The following TRMT1 variants were observed in gnomAD, a reference collection of about 807,000 sequenced individuals.
TRMT1 encodes tRNA methyltransferase 1.
Under a neutral mutation model 75.4 loss-of-function variants are expected in TRMT1, and 63 were observed. That is an observed-to-expected ratio of 0.84 (90% CI 0.68 to 1.03). TRMT1 has a LOEUF of 1.03. Among genes scored for constraint, TRMT1 ranks in the 50% least tolerant of loss-of-function variants. The pLI, the probability that TRMT1 is intolerant of heterozygous loss-of-function variation, is 0.00. For missense variants in TRMT1, 870 were observed against 905.3 expected (o/e 0.96, Z 0.50); for synonymous variants, 382 against 358.1 (o/e 1.07, Z -0.75).
In TRMT1 at chr19:13,109,562, G is replaced by A. The variant is rs761813897; in HGVS notation, c.1299C>T (p.Ser433=). Residue 433 remains serine, a synonymous_variant, in exon 11 of 17, where the codon AGC becomes AGT. Coordinates refer to ENST00000357720, the MANE Select transcript of TRMT1 (RefSeq NM_001136035.4). ...HTSERIRGVL[S]VITEELPDVP... is the part of the protein sequence containing the mutation. ...GCCCGGCTCTCACCTCAGTGATGAC[G>A]CTCAGGACCCCTCGGATCCGCTCCG... 9.9e-6 allele frequency: 16 copies of A among 1,613,890 alleles called. No homozygotes were observed. The East Asian group carries it at 2.5e-4, about 25-fold the overall frequency.
rs373190081 is a variant in TRMT1 at position 13,105,264 on chromosome 19, C to T, written c.1833+3G>A. 114 of 1,612,248 alleles carry T rather than the reference C, an allele frequency of 7.1e-5. No individual in the cohort carries two copies. The African/African-American group carries it at 1.4e-3, about 19-fold the overall frequency. On this transcript the variant is annotated splice_donor_region_variant and intron_variant, in intron 16 of 16. Coordinates refer to ENST00000357720, the MANE Select transcript of TRMT1 (RefSeq NM_001136035.4). The stretch of plus-strand genomic sequence containing the variant: ...AGTGGAGGAAAGGGAGGAGGGACCT[C>T]ACCTCCTTAAACCTCTTGCAAGGAA...
At position 13,115,373 on chromosome 19, in the gene TRMT1, T is replaced by C; in HGVS notation, c.547A>G (p.Asn183Asp). Residue 183 changes from asparagine (N) to aspartate (D), a missense_variant, in exon 5 of 17, where the codon AAC (asparagine) becomes GAC (aspartate). Transcript: ENST00000357720. ...EVPGLRSVVA[N>D]DASTRAVDLI... The stretch of plus-strand genomic sequence containing the variant: ...TCCACAGCCCGGGTGGAGGCATCGT[T>C]TGCAACCACAGATCTGAGCCCAGGC... The C allele has an allele frequency of 1.9e-6, 3 of 1,614,080 alleles. No individual in the cohort carries two copies. In the South Asian group the frequency reaches 3.3e-5, roughly 18 times the overall value.
chr19:13,110,839 A>G (rs1016696266), intron 7 of TRMT1, among the ~76,000 whole-genome samples: 1 of 152,192 alleles, frequency 6.6e-6, no homozygotes, highest in African/African-American at 2.4e-5. Context: ...AATCCCAGCT[A>G]CTAGGGAGGC....
chr19:13,114,935 G>A (rs961575992), intron 5 of TRMT1, among the ~76,000 whole-genome samples: 5 of 152,198 alleles, frequency 3.3e-5, no homozygotes, highest in African/African-American at 1.2e-4. Context: ...AATTTTGCAT[G>A]TTTTGTTTCC....
At position 13,114,649 on chromosome 19, in the gene TRMT1, G is replaced by A. The variant is rs530712544; in HGVS notation, c.641+630C>T. On this transcript the variant is annotated intron_variant, in intron 5 of 16. Coordinates refer to ENST00000357720, the MANE Select transcript of TRMT1 (RefSeq NM_001136035.4). ...TGCACTCTAGCCTGGGCAACAGAGC[G>A]AGACTCCGTGTCAAAAAATAAATAA... Among the ~76,000 whole-genome samples the A allele has an allele frequency of 4.6e-5, 7 of 150,968 alleles. No individual in the cohort carries two copies. In the East Asian group the frequency reaches 1.2e-3, roughly 25 times the overall value.
rs748265622 is a variant in TRMT1 at position 13,104,975 on chromosome 19, G to C, written c.1940C>G (p.Pro647Arg). The change falls in exon 17 of 17, where the codon CCC becomes CGC. Residue 647 changes from proline (P) to arginine (R), a missense_variant. Coordinates refer to ENST00000357720, the MANE Select transcript of TRMT1 (RefSeq NM_001136035.4). ...PDCPETSNQT[P>R]PGPGAAAGPG... ...CCCAGCGGCAGCCCCAGGTCCAGGG[G>C]GGGTCTGGTTGGAGGTCTCTGGACA... 11 of 1,613,922 alleles carry C rather than the reference G, an allele frequency of 6.8e-6. 1 individual carries two copies. Among genetic ancestry groups the C allele is most frequent in the Middle Eastern group, 1.6e-4 (1 of 6,062 alleles).
In TRMT1 at chr19:13,110,021, C is replaced by T. The variant is rs1175773537; in HGVS notation, c.1020-20G>A. 4 of 1,612,486 alleles carry T rather than the reference C, an allele frequency of 2.5e-6. No homozygotes were observed. The African/African-American group carries it at 4.0e-5, about 16-fold the overall frequency. On this transcript the variant is annotated intron_variant, in intron 8 of 16. Transcript: ENST00000357720. The stretch of plus-strand genomic sequence containing the variant: ...TGCTTGCTGTGGGGGGTACCAGTGG[C>T]CACGAGTTCCCAGCGTGACCACGAC...
At position 13,105,293 on chromosome 19, in the gene TRMT1, T is replaced by C; in HGVS notation, c.1807A>G (p.Thr603Ala). ...TCCTTAAACCTCTTGCAAGGAAATG[T>C]CTTGAGCCGGGCAGCCCGCTGGGCC... ...DVAQRAARLK[T>A]FPCKRFKEGT... The change falls in exon 16 of 17, where the codon ACA (threonine) becomes GCA (alanine). Residue 603 changes from threonine to alanine, a missense_variant. Physicochemically the swap from Thr to Ala is moderately conservative, Grantham distance 58. Transcript: ENST00000357720. 6.2e-7 allele frequency: 1 copy of C among 1,613,948 alleles called. No individual in the cohort carries two copies. The highest frequency in any genetic ancestry group is 1.3e-5 in the African/African-American group (1 of 75,048).
intron 5 of TRMT1, among the ~76,000 whole-genome samples, chr19:13,114,186 C>T (rs1439979556): frequency 2.0e-5 from 3 of 152,076 alleles, no homozygotes; most frequent in African/African-American, 7.2e-5. Flanking sequence ...CTTTTTTAAC[C>T]TTTAAAAATG....
Position 13,110,158 on chromosome 19 carries a change from C to CT in TRMT1, c.1018dup (p.Ser340LysfsTer46). ...CACCGCTCTCTGCCCCCGGGCTGACCTGGCTGAGGCCTTGACCTTGGCCTG... is the reference window on the plus strand; with the variant it reads ...CACCGCTCTCTGCCCCCGGGCTGACCTTGGCTGAGGCCTTGACCTTGGCCTG... On this transcript the variant is annotated frameshift_variant and splice_region_variant, in exon 8 of 17. Transcript: ENST00000357720. LOFTEE classifies it high-confidence loss of function. The CT allele has an allele frequency of 1.2e-6, 2 of 1,612,186 alleles. No homozygotes were observed. Among genetic ancestry groups the CT allele is most frequent in the Non-Finnish European group, 1.7e-6 (2 of 1,179,922 alleles).
chr19:13,115,876 G>C, intron 3 of TRMT1, 108 bp from the exon 4 acceptor site: 1 of 1,604,722 alleles, frequency 6.2e-7, no homozygotes. Context: ...AAGGCTGAAG[G>C]AGCAGAACCC....
chr19:13,110,642 G>A (rs902535878), intron 7 of TRMT1, among the ~76,000 whole-genome samples: 2 of 152,254 alleles, frequency 1.3e-5, no homozygotes, highest in Non-Finnish European at 2.9e-5. Context: ...GGCTCTGTGG[G>A]CAGGAAGTGG....
chr19:13,108,697 C>T (rs559188830), intron 12 of TRMT1, among the ~76,000 whole-genome samples: 2 of 152,140 alleles, frequency 1.3e-5, no homozygotes, highest in African/African-American at 4.8e-5. Context: ...GCCTCCTCCT[C>T]CTCCCAGGTT....
rs762058016 is a variant in TRMT1, at chr19:13,115,957, G to C, written c.310+40C>G. Reference sequence around the variant, plus strand: ...AGAGCCCAGGCAGGGAGATAAACTTGTGTGACCCCCGCCCACCAGAAGCCT... The same window carrying C: ...AGAGCCCAGGCAGGGAGATAAACTTCTGTGACCCCCGCCCACCAGAAGCCT... On this transcript the variant is annotated intron_variant, in intron 3 of 16. Transcript: ENST00000357720. 5 of 1,613,620 alleles carry C rather than the reference G, an allele frequency of 3.1e-6. No individual in the cohort carries two copies. In the African/African-American group the frequency reaches 5.3e-5, roughly 17 times the overall value.
Position 13,110,287 on chromosome 19 carries a change from T to C in TRMT1, c.890A>G (p.His297Arg). The C allele has an allele frequency of 6.7e-7, 1 of 1,482,324 alleles. No homozygotes were observed. The highest frequency in any genetic ancestry group is 9.1e-7 in the Non-Finnish European group (1 of 1,096,180). The allele number at this position is 1,482,324 out of a possible 1,614,324, so 91.8% of individuals were successfully genotyped here. Residue 297 changes from histidine to arginine, a missense_variant, in exon 8 of 17, where the codon CAC becomes CGC. Coordinates refer to ENST00000357720, the MANE Select transcript of TRMT1 (RefSeq NM_001136035.4). ...GCAGTTGGCGCGGAGGTCCAGGCTGTGCAGGACGATTCTCAGGGCCTGGGG... is the reference window on the plus strand; with the variant it reads ...GCAGTTGGCGCGGAGGTCCAGGCTGCGCAGGACGATTCTCAGGGCCTGGGG... ...CHEMALRIVL[H>R]SLDLRANCYQ...
intron 7 of TRMT1, among the ~76,000 whole-genome samples, chr19:13,112,213 T>C (rs1354394095): frequency 1.3e-5 from 2 of 151,570 alleles, no homozygotes; most frequent in African/African-American, 4.9e-5. Context: ...GGTCTCAAAG[T>C]CCTGACCTCA....
Position 13,110,186 on chromosome 19 carries a change from C to G in TRMT1, c.991G>C (p.Gly331Arg), listed in dbSNP as rs765328885. The G allele has an allele frequency of 6.2e-7, 1 of 1,612,356 alleles. No homozygotes were observed. The highest frequency in any genetic ancestry group is 2.2e-5 in the East Asian group (1 of 44,880). ...YVRVFVRVFTGQAKVKASASK... is the reference protein window; with the variant it reads ...YVRVFVRVFTRQAKVKASASK... Reference sequence around the variant, plus strand: ...GCTGAGGCCTTGACCTTGGCCTGGCCGGTGAAGACACGGACAAAAACACGC... The same window carrying G: ...GCTGAGGCCTTGACCTTGGCCTGGCGGGTGAAGACACGGACAAAAACACGC... Residue 331 changes from glycine to arginine, a missense_variant, in exon 8 of 17, where the codon GGC (glycine) becomes CGC (arginine). Transcript: ENST00000357720.
At chr19:13,110,328 C>CA in intron 7 of TRMT1, 22 bp from the exon 8 acceptor site, 1 of 1,560,118 alleles carries the variant, frequency 6.4e-7, no homozygotes. Flanking sequence ...GGGTGGGTGT[C>CA]AGCCTCCCCT....
At chr19:13,107,711 AC>A (rs2018942530) in intron 13 of TRMT1, 39 bp downstream of exon 13, 1 of 1,562,502 alleles carries the variant, frequency 6.4e-7, no homozygotes, top group Non-Finnish European at 8.7e-7. Context: ...GGTGACCACC[AC>A]CTGCCCTCCC....
Sources: gnomAD v4.1 joint callset for allele counts (sites outside exome capture counted in the v4.1 genomes callset) on GRCh38, gnomAD v4.1.1 for gene constraint, MANE v1.5 for transcripts, NCBI Gene and HGNC (gene_info 2026-07-23, HGNC 2026-07-21) for gene names.